The following PEX14 variants were observed in gnomAD, a reference collection of about 807,000 sequenced individuals.
The protein encoded by PEX14 is peroxisomal biogenesis factor 14.
Under a neutral mutation model 49.5 loss-of-function variants are expected in PEX14, and 15 were observed. That is an observed-to-expected ratio of 0.30 (90% CI 0.20 to 0.47). The LOEUF (loss-of-function observed/expected upper bound fraction) is 0.47, where lower values mean the gene tolerates loss of function less well. Among genes scored for constraint, PEX14 ranks in the 20% least tolerant of loss-of-function variants. The pLI, the probability that PEX14 is intolerant of heterozygous loss-of-function variation, is 1.00. For missense variants in PEX14, 398 were observed against 494.8 expected, an observed-to-expected ratio of 0.80 and a Z score of 1.86; for synonymous variants, 210 against 212.7, an observed-to-expected ratio of 0.99 and a Z score of 0.11.
At chr1:10,575,074 T>TAAAA (rs142120114) in intron 3 of PEX14, among the ~76,000 whole-genome samples, 1 of 123,394 alleles carries the variant, frequency 8.1e-6, no homozygotes, top group Non-Finnish European at 1.7e-5. Flanking sequence ...GTCTCTTAAA[T>TAAAA]AAAAAAAAAA....
Position 10,625,651 on chromosome 1 carries a change from G to A in PEX14, c.585+1214G>A, listed in dbSNP as rs141021657. Among the ~76,000 whole-genome samples the A allele has an allele frequency of 1.9e-3, 295 of 152,310 alleles. 1 individual carries two copies. The highest frequency in any genetic ancestry group is 6.3e-3 in the African/African-American group (262 of 41,574). On this transcript the variant is annotated intron_variant, in intron 7 of 8. Transcript: ENST00000356607. The stretch of plus-strand genomic sequence containing the variant: ...CAATGCGTGTTCTCCACGGGTGGCC[G>A]GTCCCTAAAGCACCAGGAAGCCCAG...
chr1:10,628,324 C>T lies in PEX14; in HGVS notation c.677+961C>T, dbSNP rs1641811491. ...TGGGCCATCCTCCTGGGCTGATGCCCTAGTGGGCCTTGCATGGGGTGTCCT... is the reference window on the plus strand; with the variant it reads ...TGGGCCATCCTCCTGGGCTGATGCCTTAGTGGGCCTTGCATGGGGTGTCCT... On this transcript the variant is annotated intron_variant, in intron 8 of 8. Transcript: ENST00000356607. This position sits in a 1 kb window ranked among gnomAD's most constrained non-coding sequence, Gnocchi z 4.5. Among the ~76,000 whole-genome samples, 1 of 152,260 alleles carries T rather than the reference C, an allele frequency of 6.6e-6. No homozygotes were observed. The highest frequency in any genetic ancestry group is 1.5e-5 in the Non-Finnish European group (1 of 68,046).
intron 4 of PEX14, among the ~76,000 whole-genome samples, chr1:10,602,815 G>A (rs1368571988): frequency 2.0e-5 from 3 of 152,212 alleles, no homozygotes; most frequent in Non-Finnish European, 4.4e-5. Flanking sequence ...CTGAGGCATT[G>A]TCTGCGTCGG....
intron 3 of PEX14, among the ~76,000 whole-genome samples, chr1:10,567,683 C>T (rs1168982547): frequency 6.6e-6 from 1 of 152,016 alleles, no homozygotes; most frequent in Non-Finnish European, 1.5e-5. Context: ...TTAGTAGAGA[C>T]GGGGTTTCGC....
intron 2 of PEX14, among the ~76,000 whole-genome samples, chr1:10,497,416 G>GTAT (rs1641588530): frequency 3.3e-5 from 5 of 152,338 alleles, no homozygotes; most frequent in Middle Eastern, 3.4e-3. Flanking sequence ...CAGGCCATGT[G>GTAT]TATTTGCTGT....
intron 1 of PEX14, among the ~76,000 whole-genome samples, chr1:10,486,859 TTG>T (rs1036917755): frequency 9.9e-5 from 15 of 152,072 alleles, no homozygotes; most frequent in African/African-American, 2.9e-4. Flanking sequence ...GCTAATTTTT[TTG>T]TGTTTTTAGT....
Position 10,597,398 on chromosome 1 carries a change from G to A in PEX14, c.170-1840G>A, listed in dbSNP as rs1038397602. On this transcript the variant is annotated intron_variant, in intron 3 of 8. Transcript: ENST00000356607. This position sits in a 1 kb window ranked among gnomAD's most constrained non-coding sequence, Gnocchi z 5.7. ...CCCTTCCTGTTTAGTCGGAGCGATC[G>A]GCAGTCACTACACAGGCTGGAACCT... 2.0e-5 allele frequency among the ~76,000 whole-genome samples: 3 copies of A among 152,158 alleles called. No individual in the cohort carries two copies. The highest frequency in any genetic ancestry group is 2.9e-5 in the Non-Finnish European group (2 of 68,028).
At chr1:10,492,156 T>A (rs1407904855) in intron 1 of PEX14, among the ~76,000 whole-genome samples, 1 of 152,230 alleles carries the variant, frequency 6.6e-6, no homozygotes, top group Non-Finnish European at 1.5e-5. Context: ...CTAAAGGGTT[T>A]ATGATGAAAG....
At chr1:10,482,861 A>G (rs943463585) in intron 1 of PEX14, among the ~76,000 whole-genome samples, 20 of 152,130 alleles carry the variant, frequency 1.3e-4, no homozygotes, top group African/African-American at 4.8e-4. Context: ...GAGTTCATCT[A>G]CGTTTTTTAT....
chr1:10,598,471 C>T (rs1640889205), intron 3 of PEX14, among the ~76,000 whole-genome samples: 2 of 152,202 alleles, frequency 1.3e-5, no homozygotes, highest in South Asian at 2.1e-4. Flanking sequence ...CTTCTGTGGG[C>T]AAATCCTCTC....
intron 3 of PEX14, among the ~76,000 whole-genome samples, chr1:10,586,804 T>C (rs1434332759): frequency 1.3e-5 from 2 of 151,896 alleles, no homozygotes; most frequent in African/African-American, 4.8e-5. Flanking sequence ...CATGCCCAGC[T>C]AATTTTTTTT....
intron 3 of PEX14, among the ~76,000 whole-genome samples, chr1:10,583,223 A>C (rs1300823760): frequency 1.5e-5 from 2 of 136,740 alleles, no homozygotes; most frequent in South Asian, 4.5e-4. Flanking sequence ...TTCTTTCTAC[A>C]CTTTTTTTTT....
At chr1:10,587,144 G>A (rs755299899) in intron 3 of PEX14, among the ~76,000 whole-genome samples, 15 of 152,038 alleles carry the variant, frequency 9.9e-5, no homozygotes, top group Non-Finnish European at 1.6e-4. Flanking sequence ...TATATTCAAT[G>A]CCAACAAAAG....
chr1:10,623,316 G>A lies in PEX14; in HGVS notation c.487+195G>A. 1.7e-6 allele frequency: 1 copy of A among 573,336 alleles called. No individual in the cohort carries two copies. The highest frequency in any genetic ancestry group is 1.9e-5 in the African/African-American group (1 of 53,648). The allele number at this position is 573,336 out of a possible 1,614,324, so 35.5% of individuals were successfully genotyped here. A position where few individuals can be genotyped will look rare whatever the true frequency, so the allele number is the denominator to read the frequency against. ...AAATTGCTTGTTTACTGTCGGCGCG[G>A]CCTCAATTAATTATGTTTTTACGGA... is the stretch of plus-strand genomic sequence containing the variant. On this transcript the variant is annotated intron_variant, in intron 6 of 8. Coordinates refer to ENST00000356607, the MANE Select transcript of PEX14 (RefSeq NM_004565.3). The surrounding 1 kb of genome is among the most constrained non-coding windows in gnomAD (Gnocchi z 4.4).
intron 1 of PEX14, among the ~76,000 whole-genome samples, chr1:10,493,394 A>G (rs1641504172): frequency 1.3e-5 from 2 of 152,294 alleles, no homozygotes; most frequent in South Asian, 4.1e-4. Context: ...TGATGGCAGT[A>G]GAGATGGAGA....
At chr1:10,612,121 T>C (rs755556534) in intron 4 of PEX14, among the ~76,000 whole-genome samples, 4 of 152,236 alleles carry the variant, frequency 2.6e-5, no homozygotes, top group Non-Finnish European at 4.4e-5. Context: ...TTTATAGTTT[T>C]TGCTTTCTTG....
intron 2 of PEX14, among the ~76,000 whole-genome samples, chr1:10,505,445 A>G (rs2124424682): frequency 6.6e-6 from 1 of 152,326 alleles, no homozygotes; most frequent in South Asian, 2.1e-4. Flanking sequence ...ACCTGTCTCA[A>G]AAACAAAACA....
chr1:10,548,676 C>T (rs926250389), intron 3 of PEX14, among the ~76,000 whole-genome samples: 1 of 152,162 alleles, frequency 6.6e-6, no homozygotes, highest in African/African-American at 2.4e-5. Flanking sequence ...TTATTTTTAA[C>T]TATAGATAGG....
chr1:10,561,048 T>TAC (rs1266490464), intron 3 of PEX14, among the ~76,000 whole-genome samples: 2 of 151,952 alleles, frequency 1.3e-5, no homozygotes, highest in East Asian at 1.9e-4. Context: ...TCTCACTCTC[T>TAC]ACACACACAC....
Sources: gnomAD v4.1 joint callset for allele counts (sites outside exome capture counted in the v4.1 genomes callset) on GRCh38, gnomAD v4.1.1 for gene constraint, Gnocchi (gnomAD v3.1) non-coding constraint, MANE v1.5 for transcripts, NCBI Gene and HGNC (gene_info 2026-07-23, HGNC 2026-07-21) for gene names.